The following AK5 variants were observed in gnomAD, a reference collection of about 807,000 sequenced individuals.
AK5 encodes adenylate kinase isoenzyme 5.
AK5 carries 27 observed loss-of-function variants against 69.5 expected under a neutral mutation model. That is an observed-to-expected ratio of 0.39 (90% confidence interval 0.29 to 0.54). The LOEUF (loss-of-function observed/expected upper bound fraction) is 0.54. Ranked by LOEUF, AK5 falls within the 20% of genes least tolerant of loss-of-function variation. AK5 has a pLI of 0.71. For synonymous variants in AK5, 260 were observed against 244.4 expected (o/e 1.06, Z -0.60); for missense variants, 531 against 700.4 (o/e 0.76, Z 2.73).
chr1:77,423,241 AG>A (rs1290100454), intron 8 of AK5, among the ~76,000 whole-genome samples: 134 of 150,262 alleles, frequency 8.9e-4, no homozygotes, highest in African/African-American at 3.1e-3. Flanking sequence ...TAAAAAAAAA[AG>A]AAGAACTACT....
intron 7 of AK5, among the ~76,000 whole-genome samples, chr1:77,413,311 G>A (rs1650172629): frequency 6.6e-6 from 1 of 152,024 alleles, no homozygotes; most frequent in Admixed American, 6.6e-5. Context: ...CAACCCCATA[G>A]AGCCCCATCC....
At chr1:77,497,528 A>C (rs1656413793) in intron 10 of AK5, among the ~76,000 whole-genome samples, 2 of 152,234 alleles carry the variant, frequency 1.3e-5, no homozygotes, top group African/African-American at 4.8e-5. Context: ...CAGAGACAGA[A>C]GTGCCATGCA....
chr1:77,330,272 G>T (rs947554863), intron 5 of AK5, among the ~76,000 whole-genome samples: 2 of 152,004 alleles, frequency 1.3e-5, no homozygotes, highest in Admixed American at 6.6e-5. Context: ...TTCTTTTATG[G>T]TTAGAGTTTT....
intron 8 of AK5, among the ~76,000 whole-genome samples, chr1:77,465,487 T>C (rs1336293560): frequency 3.9e-5 from 6 of 152,250 alleles, no homozygotes; most frequent in Non-Finnish European, 1.5e-5. Flanking sequence ...CCTAGGACTT[T>C]GCATTTCTTT....
intron 6 of AK5, among the ~76,000 whole-genome samples, chr1:77,358,027 G>GAA (rs1662634095): frequency 6.6e-6 from 1 of 151,504 alleles, no homozygotes; most frequent in Non-Finnish European, 1.5e-5. Context: ...GTGAGAGAGA[G>GAA]AGAGAGAGAG....
At chr1:77,437,762 C>T (rs926135858) in intron 8 of AK5, among the ~76,000 whole-genome samples, 2 of 152,084 alleles carry the variant, frequency 1.3e-5, no homozygotes, top group African/African-American at 4.8e-5. Flanking sequence ...GGCAGGAAAG[C>T]ATTTTAGAAA....
At chr1:77,436,140 C>CT (rs1010504725) in intron 8 of AK5, among the ~76,000 whole-genome samples, 2 of 152,160 alleles carry the variant, frequency 1.3e-5, no homozygotes, top group African/African-American at 4.8e-5. Context: ...CTTCACATCT[C>CT]TGTTTCCTAC....
chr1:77,550,105 A>G (rs950578285), intron 13 of AK5, among the ~76,000 whole-genome samples: 3 of 152,032 alleles, frequency 2.0e-5, no homozygotes, highest in East Asian at 1.9e-4. Context: ...GACTACTGGC[A>G]TGTGCCTAGC....
chr1:77,431,934 G>C (rs1651666189), intron 8 of AK5, among the ~76,000 whole-genome samples: 1 of 152,182 alleles, frequency 6.6e-6, no homozygotes, highest in African/African-American at 2.4e-5. Flanking sequence ...GGCAATTGCT[G>C]GGCAGATGTC....
intron 6 of AK5, among the ~76,000 whole-genome samples, chr1:77,347,844 T>C (rs776221266): frequency 1.2e-4 from 18 of 152,168 alleles, no homozygotes; most frequent in Non-Finnish European, 1.9e-4. Flanking sequence ...AGCAACGCCC[T>C]GACTCACAAC....
chr1:77,547,505 C>T (rs1250642069), intron 13 of AK5, among the ~76,000 whole-genome samples: 1 of 152,070 alleles, frequency 6.6e-6, no homozygotes, highest in African/African-American at 2.4e-5. Flanking sequence ...ATCTCTTAAC[C>T]TCTTGATCTG....
intron 6 of AK5, among the ~76,000 whole-genome samples, chr1:77,391,421 GTA>G (rs1304441229): frequency 8.1e-6 from 1 of 123,070 alleles, no homozygotes; most frequent in African/African-American, 3.3e-5. Context: ...ACATATATAT[GTA>G]TATATATACA....
intron 6 of AK5, among the ~76,000 whole-genome samples, chr1:77,374,235 T>C (rs1023621521): frequency 6.6e-5 from 10 of 152,162 alleles, no homozygotes; most frequent in Admixed American, 3.3e-4. Context: ...GTTTTTTTGT[T>C]CTCTTGGCCA....
intron 2 of AK5, 122 bp from the exon 3 acceptor site, chr1:77,293,671 C>A (rs1658814737): frequency 1.2e-6 from 1 of 820,088 alleles, no homozygotes. Flanking sequence ...AGGGAGACTT[C>A]TTCCAGTTAA....
At chr1:77,387,355 A>T (rs1482383161) in intron 6 of AK5, among the ~76,000 whole-genome samples, 1 of 152,160 alleles carries the variant, frequency 6.6e-6, no homozygotes, top group East Asian at 1.9e-4. Context: ...AAACTTAGGG[A>T]TACACAATTT....
At chr1:77,288,766 A>G (rs1557464755) in intron 2 of AK5, among the ~76,000 whole-genome samples, 1 of 152,208 alleles carries the variant, frequency 6.6e-6, no homozygotes, top group Non-Finnish European at 1.5e-5. Flanking sequence ...GGACCAAAAA[A>G]CAGAGAAATA....
chr1:77,318,122 A>G (rs1007013740), intron 5 of AK5, among the ~76,000 whole-genome samples: 1 of 152,186 alleles, frequency 6.6e-6, no homozygotes, highest in African/African-American at 2.4e-5. Context: ...AGACTGGGTA[A>G]TTTATATAGA....
At chr1:77,304,448 C>T (rs1321912002) in intron 5 of AK5, among the ~76,000 whole-genome samples, 1 of 151,098 alleles carries the variant, frequency 6.6e-6, no homozygotes, top group African/African-American at 2.4e-5. Context: ...TCTTGTTGCC[C>T]AGGCTGGAAT....
chr1:77,508,031 C>T (rs950746215), intron 10 of AK5, among the ~76,000 whole-genome samples: 5 of 152,136 alleles, frequency 3.3e-5, no homozygotes, highest in Admixed American at 6.5e-5. Context: ...TGCATGCCAA[C>T]GTAACGCTCA....
Sources: allele counts gnomAD v4.1 joint callset (sites outside exome capture counted in the v4.1 genomes callset), GRCh38; gene constraint gnomAD v4.1.1; transcripts MANE v1.5; gene names NCBI Gene and HGNC (gene_info 2026-07-23, HGNC 2026-07-21).